Variants in RSU1 observed in about 807,000 individuals in gnomAD.
RSU1 encodes rsu-1.
Under a neutral mutation model 31.1 loss-of-function variants are expected in RSU1, and 26 were observed. The observed-to-expected ratio is 0.84, with a 90% confidence interval of 0.61 to 1.16. RSU1 has a LOEUF of 1.16. RSU1 is among the 50% of genes most tolerant of loss of function. The probability of loss-of-function intolerance (pLI) is 0.00; values close to 1 mark genes in which losing one functional copy is unlikely to be tolerated. For missense variants in RSU1, 320 were observed against 339.1 expected (o/e 0.94, Z 0.44); for synonymous variants, 164 against 136.3 (o/e 1.20, Z -1.41).
intron 7 of RSU1, among the ~76,000 whole-genome samples, chr10:16,696,319 C>T (rs934618255): frequency 1.1e-4 from 16 of 152,014 alleles, no homozygotes; most frequent in African/African-American, 2.4e-4. Flanking sequence ...TATCCTGGGA[C>T]GCAAGTACAA....
intron 8 of RSU1, among the ~76,000 whole-genome samples, chr10:16,606,074 A>T (rs1833799561): frequency 6.6e-6 from 1 of 152,142 alleles, no homozygotes; most frequent in Non-Finnish European, 1.5e-5. Flanking sequence ...TAAAGGGAAG[A>T]CCAGGCACTC....
At chr10:16,734,944 G>T (rs553513996) in intron 7 of RSU1, among the ~76,000 whole-genome samples, 1 of 152,282 alleles carries the variant, frequency 6.6e-6, no homozygotes, top group African/African-American at 2.4e-5. Flanking sequence ...CTGAGGGAAG[G>T]CACAGTGAAG....
chr10:16,628,379 A>G (rs1388795104), intron 8 of RSU1, among the ~76,000 whole-genome samples: 1 of 152,212 alleles, frequency 6.6e-6, no homozygotes, highest in Admixed American at 6.5e-5. Flanking sequence ...ATATGCTCAC[A>G]CTTCTCAGTA....
chr10:16,690,984 G>A (rs1432696571), intron 8 of RSU1, among the ~76,000 whole-genome samples: 2 of 152,122 alleles, frequency 1.3e-5, no homozygotes, highest in African/African-American at 4.8e-5. Flanking sequence ...TAAAGGGGAA[G>A]TATGCGGCTT....
intron 7 of RSU1, among the ~76,000 whole-genome samples, chr10:16,748,960 C>A (rs954961832): frequency 6.6e-6 from 1 of 152,072 alleles, no homozygotes; most frequent in Non-Finnish European, 1.5e-5. Context: ...ATCAGTCACG[C>A]GTGTTCTGTC....
intron 2 of RSU1, among the ~76,000 whole-genome samples, chr10:16,782,913 ATTTT>A (rs397956304): frequency 2.1e-5 from 2 of 96,910 alleles, no homozygotes; most frequent in African/African-American, 7.2e-5. Flanking sequence ...AATTTTTCCT[ATTTT>A]TTTTTTTTTT....
chr10:16,810,140 A>G (rs755061673), intron 2 of RSU1, among the ~76,000 whole-genome samples: 10 of 152,194 alleles, frequency 6.6e-5, no homozygotes, highest in Non-Finnish European at 1.5e-4. Flanking sequence ...CCAAGGCAGG[A>G]GAATTGCTTC....
chr10:16,682,996 C>T (rs1463173865), intron 8 of RSU1, among the ~76,000 whole-genome samples: 1 of 152,170 alleles, frequency 6.6e-6, no homozygotes, highest in African/African-American at 2.4e-5. Flanking sequence ...ATTCCTAACG[C>T]ATCTTCGAAT....
intron 8 of RSU1, among the ~76,000 whole-genome samples, chr10:16,601,563 T>TG (rs1189957423): frequency 6.6e-6 from 1 of 152,344 alleles, no homozygotes; most frequent in African/African-American, 2.4e-5. Flanking sequence ...GTTCCCTTCT[T>TG]GGTTTTCCCG....
intron 8 of RSU1, among the ~76,000 whole-genome samples, chr10:16,678,745 C>T (rs1033334760): frequency 1.3e-5 from 2 of 151,904 alleles, no homozygotes; most frequent in African/African-American, 4.8e-5. Context: ...GAGGATGTGC[C>T]CACTCCTCCC....
intron 2 of RSU1, among the ~76,000 whole-genome samples, chr10:16,816,262 A>T (rs949078412): frequency 6.6e-6 from 1 of 152,228 alleles, no homozygotes; most frequent in African/African-American, 2.4e-5. Context: ...TAGCAGGTGC[A>T]GCAGCTGGCC....
intron 8 of RSU1, among the ~76,000 whole-genome samples, chr10:16,641,168 A>G (rs1285527797): frequency 6.6e-6 from 1 of 152,218 alleles, no homozygotes; most frequent in African/African-American, 2.4e-5. Flanking sequence ...AAAATGAAAT[A>G]AAATAAACAC....
chr10:16,755,340 C>T lies in RSU1; in HGVS notation c.282-351G>A, dbSNP rs1321121817. On this transcript the variant is annotated intron_variant, in intron 4 of 8. Coordinates refer to ENST00000345264, the MANE Select transcript of RSU1 (RefSeq NM_012425.4). Reference sequence around the variant, plus strand: ...GTTTTGCCATGTTGCTCAGGCTGGTCTCAAACTCCTAAGCTCAAGCAATCC... The same window carrying T: ...GTTTTGCCATGTTGCTCAGGCTGGTTTCAAACTCCTAAGCTCAAGCAATCC... 2.0e-5 allele frequency among the ~76,000 whole-genome samples: 3 copies of T among 151,768 alleles called. No individual in the cohort carries two copies. The East Asian group carries it at 5.8e-4, about 29-fold the overall frequency.
chr10:16,712,244 T>C lies in RSU1; in HGVS notation c.599-17089A>G, dbSNP rs1836036314. Reference sequence around the variant, plus strand: ...CTTTAATGATGATGTGAGCCTCTTGTAGCCAGCAGATAGTTGGGTCTTATT... The same window carrying C: ...CTTTAATGATGATGTGAGCCTCTTGCAGCCAGCAGATAGTTGGGTCTTATT... On this transcript the variant is annotated intron_variant, in intron 7 of 8. Coordinates refer to ENST00000345264, the MANE Select transcript of RSU1 (RefSeq NM_012425.4). 3.9e-5 allele frequency among the ~76,000 whole-genome samples: 6 copies of C among 152,188 alleles called. No homozygotes were observed. The South Asian group carries it at 1.2e-3, about 32-fold the overall frequency.
At chr10:16,629,551 T>C (rs933884905) in intron 8 of RSU1, among the ~76,000 whole-genome samples, 1 of 152,108 alleles carries the variant, frequency 6.6e-6, no homozygotes, top group Admixed American at 6.5e-5. Context: ...AAAAATGAGA[T>C]TTAATAAATA....
chr10:16,650,234 C>T (rs544448402), intron 8 of RSU1, among the ~76,000 whole-genome samples: 9 of 152,312 alleles, frequency 5.9e-5, no homozygotes, highest in East Asian at 1.9e-4. Flanking sequence ...TTTGCAGACA[C>T]GTCAAAAGGT....
At chr10:16,596,343 G>A (rs1040734921) in intron 8 of RSU1, among the ~76,000 whole-genome samples, 1 of 152,178 alleles carries the variant, frequency 6.6e-6, no homozygotes, top group African/African-American at 2.4e-5. Flanking sequence ...CAGATAGGCA[G>A]AGGAAATGCT....
In RSU1 at chr10:16,764,548, G is replaced by C. The variant is rs1837275803; in HGVS notation, c.161-38C>G. The C allele has an allele frequency of 2.5e-6, 4 of 1,594,640 alleles. No individual in the cohort carries two copies. In the East Asian group the frequency reaches 6.8e-5, roughly 27 times the overall value. On this transcript the variant is annotated intron_variant, in intron 3 of 8. Transcript: ENST00000345264. ...AAATGCTGAGTGTGAATCTGGGAAT[G>C]GAACTCCTAGCAAGGGATGGCAGCG...
chr10:16,642,834 T>C (rs1834469336), intron 8 of RSU1, among the ~76,000 whole-genome samples: 1 of 152,208 alleles, frequency 6.6e-6, no homozygotes, highest in South Asian at 2.1e-4. Flanking sequence ...ATGCATTCCT[T>C]TGCCTTCTAA....
Sources: allele counts gnomAD v4.1 joint callset (sites outside exome capture counted in the v4.1 genomes callset), GRCh38; gene constraint gnomAD v4.1.1; transcripts MANE v1.5; gene names NCBI Gene and HGNC (gene_info 2026-07-23, HGNC 2026-07-21).